The following IL1F10 variants were observed in gnomAD, a reference collection of about 807,000 sequenced individuals.
IL1F10 encodes the protein interleukin 1 family member 10, also known as interleukin-1 family member 10.
In IL1F10, 13 loss-of-function variants were observed where a neutral mutation model predicts 13.1. The observed-to-expected ratio is 0.99, with a 90% CI of 0.64 to 1.57. The LOEUF (loss-of-function observed/expected upper bound fraction) is 1.57, where lower values mean the gene tolerates loss of function less well. Among genes scored for constraint, IL1F10 ranks in the 40% most tolerant of loss-of-function variants. IL1F10 has a pLI of 0.00. For missense variants in IL1F10, 191 were observed against 184.1 expected, an observed-to-expected ratio of 1.04 and a Z score of -0.22; for synonymous variants, 78 against 68.2, an observed-to-expected ratio of 1.14 and a Z score of -0.71.
chr2:113,074,587 C>A, intron 3 of IL1F10, 136 bp from the exon 4 acceptor site: 1 of 1,213,816 alleles, frequency 8.2e-7, no homozygotes, highest in Non-Finnish European at 1.2e-6. Context: ...GAAGTCCTGG[C>A]TCACCGTCCA....
intron 1 of IL1F10, among the ~76,000 whole-genome samples, chr2:113,068,456 C>T (rs1017184977): frequency 1.3e-5 from 2 of 151,960 alleles, no homozygotes; most frequent in African/African-American, 4.8e-5. Context: ...AGCAGCTGCC[C>T]TTTATCCTTT....
intron 4 of IL1F10, 137 bp downstream of exon 4, chr2:113,074,987 T>A (rs1340360144): frequency 1.6e-6 from 2 of 1,261,104 alleles, no homozygotes; most frequent in African/African-American, 1.5e-5. Context: ...ACCATCTCCC[T>A]CTGCACCTAG....
chr2:113,070,090 C>T (rs531574836), intron 1 of IL1F10, among the ~76,000 whole-genome samples: 2 of 152,148 alleles, frequency 1.3e-5, no homozygotes, highest in African/African-American at 2.4e-5. Flanking sequence ...GAGCCAGATG[C>T]CATGTCCAGG....
rs141416419 is a variant in IL1F10 at position 113,075,046 on chromosome 2, A to G, written c.247-106A>G. On this transcript the variant is annotated intron_variant, in intron 4 of 4. Transcript: ENST00000341010. The stretch of plus-strand genomic sequence containing the variant: ...ATCTGCAGAAGGCAGTCCCTTGGGT[A>G]AAAACCAGCCCTGTCAGGTCCTTTT... 27 of 1,278,798 alleles carry G rather than the reference A, an allele frequency of 2.1e-5. No individual in the cohort carries two copies. The East Asian group carries it at 6.1e-4, about 29-fold the overall frequency. The allele number at this position is 1,278,798 out of a possible 1,614,324, so 79.2% of individuals were successfully genotyped here. A position where few individuals can be genotyped will look rare whatever the true frequency, so the allele number is the denominator to read the frequency against.
At chr2:113,071,946 G>A (rs543139941) in intron 1 of IL1F10, among the ~76,000 whole-genome samples, 20 of 152,222 alleles carry the variant, frequency 1.3e-4, no homozygotes, top group Non-Finnish European at 2.2e-4. Flanking sequence ...TTATTTCCAT[G>A]CTAAATTCTG....
intron 1 of IL1F10, among the ~76,000 whole-genome samples, chr2:113,071,547 T>C (rs1242266193): frequency 2.0e-5 from 3 of 152,192 alleles, no homozygotes; most frequent in East Asian, 1.9e-4. Flanking sequence ...TCACTCTAAG[T>C]CTCAAAGTCA....
At chr2:113,069,563 T>C (rs962854363) in intron 1 of IL1F10, among the ~76,000 whole-genome samples, 3 of 152,174 alleles carry the variant, frequency 2.0e-5, no homozygotes, top group Admixed American at 6.5e-5. Flanking sequence ...GGGAGGAATG[T>C]GTGGGCTGGG....
intron 1 of IL1F10, among the ~76,000 whole-genome samples, chr2:113,071,830 T>C (rs750186202): frequency 1.5e-4 from 23 of 152,222 alleles, no homozygotes; most frequent in Admixed American, 3.3e-4. Context: ...TTCTTCTCTA[T>C]TCCCTTCTTA....
chr2:113,070,193 A>C (rs980368101), intron 1 of IL1F10, among the ~76,000 whole-genome samples: 1 of 152,190 alleles, frequency 6.6e-6, no homozygotes, highest in Non-Finnish European at 1.5e-5. Flanking sequence ...GGGGTGAGGC[A>C]TGTGGCACAC....
intron 1 of IL1F10, chr2:113,072,336 G>T: frequency 1.2e-5 from 2 of 166,758 alleles, no homozygotes; most frequent in Non-Finnish European, 2.5e-5. Flanking sequence ...GACTGGGTTT[G>T]AGCTGGGCTT....
At chr2:113,075,016 C>A in intron 4 of IL1F10, 136 bp from the exon 5 acceptor site, 1 of 1,228,132 alleles carries the variant, frequency 8.1e-7, no homozygotes, top group Non-Finnish European at 1.1e-6. Context: ...CCCTTGCCCT[C>A]TAGAATCTGC....
rs1553465132 is a variant in IL1F10 at position 113,072,687 on chromosome 2, C to T, written c.-28-24C>T. 4.5e-6 allele frequency: 7 copies of T among 1,553,794 alleles called. 1 individual carries two copies. In the South Asian group the frequency reaches 7.9e-5, roughly 18 times the overall value. Reference sequence around the variant, plus strand: ...GGCTTCACCCAGCCTCCTTTTCTAACTGCCCTTCTCTCCTCCCCATCAGTG... The same window carrying T: ...GGCTTCACCCAGCCTCCTTTTCTAATTGCCCTTCTCTCCTCCCCATCAGTG... On this transcript the variant is annotated intron_variant, in intron 1 of 4. Coordinates refer to ENST00000341010, the MANE Select transcript of IL1F10 (RefSeq NM_173161.3).
In IL1F10 at chr2:113,072,851, G is replaced by A. The variant is rs1573247633; in HGVS notation, c.32+81G>A. 4.8e-6 allele frequency: 6 copies of A among 1,249,952 alleles called. No individual in the cohort carries two copies. In the East Asian group the frequency reaches 1.4e-4, roughly 30 times the overall value. 77.4% of individuals were successfully genotyped at this position (1,249,952 alleles called of 1,614,324 possible). A position where few individuals can be genotyped will look rare whatever the true frequency, so the allele number is the denominator to read the frequency against. Reference sequence around the variant, plus strand: ...GGAAAGGAATGCTGAGTCAGAGGATGAGGCTCCTTCTCACCTTAGAAATTG... The same window carrying A: ...GGAAAGGAATGCTGAGTCAGAGGATAAGGCTCCTTCTCACCTTAGAAATTG... On this transcript the variant is annotated intron_variant, in intron 2 of 4. Coordinates refer to ENST00000341010, the MANE Select transcript of IL1F10 (RefSeq NM_173161.3).
chr2:113,074,622 T>A (rs768783483), intron 3 of IL1F10, 101 bp from the exon 4 acceptor site: 25 of 1,437,582 alleles, frequency 1.7e-5, no homozygotes, highest in Non-Finnish European at 2.3e-5. Context: ...CCAGGCCAGG[T>A]GTGCCCATGT....
rs376639082 is a variant in IL1F10 at position 113,074,381 on chromosome 2, G to C, written c.85G>C (p.Val29Leu). 6.2e-7 allele frequency: 1 copy of C among 1,614,000 alleles called. No individual in the cohort carries two copies. Among genetic ancestry groups the C allele is most frequent in the Non-Finnish European group, 8.5e-7 (1 of 1,179,892 alleles). The change falls in exon 3 of 5, where the codon GTG (valine) becomes CTG (leucine). Residue 29 changes from valine to leucine, a missense_variant. Physicochemically the swap from Val to Leu is conservative, Grantham distance 32. Transcript: ENST00000341010. The part of the protein sequence containing the change: ...ALYTRDGQLL[V>L]GDPVADNCCA... ...ATACACAAGAGATGGCCAGCTGCTG[G>C]TGGGAGATCCTGTTGCAGACAACTG... is the stretch of plus-strand genomic sequence containing the variant.
At chr2:113,070,245 C>A (rs1363621123) in intron 1 of IL1F10, among the ~76,000 whole-genome samples, 1 of 152,180 alleles carries the variant, frequency 6.6e-6, no homozygotes, top group Non-Finnish European at 1.5e-5. Flanking sequence ...GCACCAAGAC[C>A]CAGGCTCTCT....
At chr2:113,070,462 G>A (rs1240452962) in intron 1 of IL1F10, among the ~76,000 whole-genome samples, 1 of 152,190 alleles carries the variant, frequency 6.6e-6, no homozygotes, top group Non-Finnish European at 1.5e-5. Flanking sequence ...CACTGACCCA[G>A]AGTGGGAGTC....
intron 3 of IL1F10, 140 bp downstream of exon 3, chr2:113,074,554 A>T (rs749820753): frequency 3.1e-5 from 34 of 1,079,954 alleles, no homozygotes; most frequent in African/African-American, 4.7e-5. Context: ...GGCCTCTCCT[A>T]GCGAGGGGAC....
intron 3 of IL1F10, 25 bp from the exon 4 acceptor site, chr2:113,074,698 G>T: frequency 6.2e-7 from 1 of 1,613,054 alleles, no homozygotes; most frequent in South Asian, 1.1e-5. Context: ...CTTGTCCCTT[G>T]ACTCTTCTCT....
Sources: gnomAD v4.1 joint callset for allele counts (sites outside exome capture counted in the v4.1 genomes callset) on GRCh38, gnomAD v4.1.1 for gene constraint, MANE v1.5 for transcripts, NCBI Gene and HGNC (gene_info 2026-07-23, HGNC 2026-07-21) for gene names.